The following EFHD1 variants were observed in gnomAD, a reference collection of about 807,000 sequenced individuals.
EFHD1 encodes the protein EF-hand domain family member D1.
In EFHD1, 10 loss-of-function variants were observed where a neutral mutation model predicts 17.2. The ratio of observed to expected loss-of-function variants is 0.58; its 90% confidence interval spans 0.36 to 0.99. The LOEUF is 0.99. Among genes scored for constraint, EFHD1 ranks in the 50% least tolerant of loss-of-function variants. The pLI, the probability that EFHD1 is intolerant of heterozygous loss-of-function variation, is 0.01. For missense variants in EFHD1, 310 were observed against 327.5 expected, an observed-to-expected ratio of 0.95 and a Z score of 0.41; for synonymous variants, 153 against 142.0, an observed-to-expected ratio of 1.08 and a Z score of -0.55.
At chr2:232,657,963 C>T (rs571468175) in intron 1 of EFHD1, among the ~76,000 whole-genome samples, 203 of 125,626 alleles carry the variant, frequency 1.6e-3, no homozygotes, top group Non-Finnish European at 2.4e-3. Flanking sequence ...TGCAGTGGTG[C>T]GATCTCGGCT....
At chr2:232,672,540 T>A (rs1695097104) in intron 3 of EFHD1, 97 bp downstream of exon 3, 1 of 1,493,828 alleles carries the variant, frequency 6.7e-7, no homozygotes, top group African/African-American at 1.4e-5. Flanking sequence ...AGAGCACACC[T>A]GCAGAAACAG....
intron 1 of EFHD1, chr2:232,650,212 G>C (rs1277110294): frequency 4.6e-5 from 7 of 151,332 alleles, no homozygotes; most frequent in Non-Finnish European, 7.4e-5. Context: ...AAGGCCACAA[G>C]TCCACAAGGA....
intron 1 of EFHD1, among the ~76,000 whole-genome samples, chr2:232,625,493 C>G (rs942453647): frequency 3.3e-5 from 5 of 152,168 alleles, no homozygotes; most frequent in African/African-American, 1.2e-4. Flanking sequence ...TTTTCAACTT[C>G]CAACCCAAAA....
intron 1 of EFHD1, among the ~76,000 whole-genome samples, chr2:232,636,792 T>G (rs545547003): frequency 6.6e-6 from 1 of 152,304 alleles, no homozygotes; most frequent in East Asian, 1.9e-4. Context: ...CATTGCACTC[T>G]AGCCTGGGCA....
At chr2:232,629,579 C>T (rs1694165695), upstream of EFHD1, among the ~76,000 whole-genome samples, 1 of 151,892 alleles carries the variant, frequency 6.6e-6, no homozygotes, top group South Asian at 2.1e-4. Flanking sequence ...AGCGATTCTT[C>T]TGCCTCAGCC....
At chr2:232,637,376 C>T in intron 1 of EFHD1, among the ~76,000 whole-genome samples, 1 of 145,070 alleles carries the variant, frequency 6.9e-6, no homozygotes, top group Admixed American at 7.1e-5. Context: ...TGGAGTCTCA[C>T]TCCATTGCCC....
chr2:232,632,100 C>G (rs974215289), upstream of EFHD1, among the ~76,000 whole-genome samples: 1 of 151,992 alleles, frequency 6.6e-6, no homozygotes, highest in African/African-American at 2.4e-5. Context: ...ATAAAGTGGT[C>G]AAAACAGATG....
Position 232,682,067 on chromosome 2 carries a change from C to T in EFHD1, c.*348C>T, listed in dbSNP as rs1695295491. Reference sequence around the variant, plus strand: ...TATCAATTTGTGTAGATATGTCTGTCTTTTTGGGTCCTCAGAGAAAATGCC... The same window carrying T: ...TATCAATTTGTGTAGATATGTCTGTTTTTTTGGGTCCTCAGAGAAAATGCC... On this transcript the variant is annotated 3_prime_UTR_variant, in exon 4 of 4. Coordinates refer to ENST00000264059, the MANE Select transcript of EFHD1 (RefSeq NM_025202.4). The T allele has an allele frequency of 5.4e-6, 1 of 185,762 alleles. No homozygotes were observed. Among genetic ancestry groups the T allele is most frequent in the South Asian group, 1.7e-4 (1 of 5,996 alleles). The allele number at this position is 185,762 out of a possible 1,614,324, so 11.5% of individuals were successfully genotyped here.
At chr2:232,661,150 AAAAAAAACAAAAAC>A (rs1307665103) in intron 1 of EFHD1, among the ~76,000 whole-genome samples, 5 of 123,266 alleles carry the variant, frequency 4.1e-5, no homozygotes, top group African/African-American at 1.0e-4. Flanking sequence ...TCTGTCTCAA[AAAAAAAACAAAAAC>A]AAAAAAACAA....
intron 1 of EFHD1, among the ~76,000 whole-genome samples, chr2:232,624,451 CT>C (rs1348267536): frequency 6.6e-6 from 1 of 152,260 alleles, no homozygotes; most frequent in Non-Finnish European, 1.5e-5. Flanking sequence ...GCCTGATTCT[CT>C]GATTCTCTGC....
At chr2:232,651,612 G>A (rs748012259) in intron 1 of EFHD1, among the ~76,000 whole-genome samples, 2 of 152,174 alleles carry the variant, frequency 1.3e-5, no homozygotes, top group Non-Finnish European at 2.9e-5. Context: ...AGCACATTGA[G>A]GATTCTTTAT....
At chr2:232,612,657 T>C (rs1397918196) in intron 1 of EFHD1, among the ~76,000 whole-genome samples, 2 of 152,020 alleles carry the variant, frequency 1.3e-5, no homozygotes, top group African/African-American at 4.8e-5. Context: ...CAAGGCAGGC[T>C]CTCATGCGCT....
chr2:232,646,436 C>CTTTTTT lies in EFHD1; in HGVS notation c.302+12451_302+12456dup, dbSNP rs71398729. ...TCTCTCTTTTCTCTTCTCTTCTCTT[C>CTTTTTT]TTTTTTTTTTTTTTTTTTTTTTTTT... On this transcript the variant is annotated intron_variant, in intron 1 of 3. Transcript: ENST00000264059. Among the ~76,000 whole-genome samples the CTTTTTT allele has an allele frequency of 2.1e-3, 140 of 67,176 alleles. 4 individuals are homozygous for CTTTTTT. Among genetic ancestry groups the CTTTTTT allele is most frequent in the South Asian group, 5.2e-3 (7 of 1,338 alleles). 44.1% of individuals were successfully genotyped at this position (67,176 alleles called of 152,430 possible).
At chr2:232,609,633 G>A (rs558327613) in intron 1 of EFHD1, among the ~76,000 whole-genome samples, 12 of 151,906 alleles carry the variant, frequency 7.9e-5, no homozygotes, top group East Asian at 1.9e-4. Context: ...AGGAAGTCTC[G>A]GCCTCCTCAC....
At chr2:232,631,712 AC>A (rs1314496005), upstream of EFHD1, among the ~76,000 whole-genome samples, 8 of 149,140 alleles carry the variant, frequency 5.4e-5, no homozygotes, top group African/African-American at 1.7e-4. Flanking sequence ...AAAAACAAAA[AC>A]AAAACCAGCT....
At chr2:232,627,673 G>C (rs1317044787) in intron 1 of EFHD1, among the ~76,000 whole-genome samples, 2 of 152,054 alleles carry the variant, frequency 1.3e-5, no homozygotes, top group East Asian at 3.9e-4. Context: ...AGATGTAGAA[G>C]ACATTTGCAA....
chr2:232,628,296 G>C (rs554190802), intron 1 of EFHD1, among the ~76,000 whole-genome samples: 8 of 152,230 alleles, frequency 5.3e-5, no homozygotes, highest in African/African-American at 1.9e-4. Flanking sequence ...CTTGACCTCA[G>C]ATGATCTACC....
chr2:232,629,625 C>T (rs572592117), upstream of EFHD1, among the ~76,000 whole-genome samples: 3 of 152,026 alleles, frequency 2.0e-5, no homozygotes, highest in Non-Finnish European at 4.4e-5. Flanking sequence ...CGTGTCACCA[C>T]GCCCGGCTAA....
intron 1 of EFHD1, among the ~76,000 whole-genome samples, chr2:232,650,839 G>T (rs1484352538): frequency 6.6e-6 from 1 of 151,898 alleles, no homozygotes; most frequent in Non-Finnish European, 1.5e-5. Flanking sequence ...AAAGTGCTGG[G>T]ATTACAAGTG....
Sources: allele counts gnomAD v4.1 joint callset (sites outside exome capture counted in the v4.1 genomes callset), GRCh38; gene constraint gnomAD v4.1.1; transcripts MANE v1.5; gene names NCBI Gene and HGNC (gene_info 2026-07-23, HGNC 2026-07-21).